The following CMSS1 variants were observed in gnomAD, a reference collection of about 807,000 sequenced individuals.
CMSS1 encodes the protein protein CMSS1.
In CMSS1, 33 loss-of-function variants were observed where a neutral mutation model predicts 43.5. The observed-to-expected ratio is 0.76, with a 90% CI of 0.57 to 1.01. The LOEUF (loss-of-function observed/expected upper bound fraction) is 1.01. CMSS1 is among the 50% of genes least tolerant of loss of function. The pLI is 0.00. For missense variants in CMSS1, 313 were observed against 326.4 expected, an observed-to-expected ratio of 0.96 and a Z score of 0.32; for synonymous variants, 115 against 117.2, an observed-to-expected ratio of 0.98 and a Z score of 0.12.
At chr3:99,996,720 G>A (rs1220373203) in intron 1 of CMSS1, among the ~76,000 whole-genome samples, 5 of 151,984 alleles carry the variant, frequency 3.3e-5, no homozygotes, top group Non-Finnish European at 7.4e-5. Flanking sequence ...ATGCAAAAGC[G>A]GAAACTCCTG....
rs143175739 is a variant in CMSS1, at chr3:100,031,948, C to T, written c.65-115025C>T. Among the ~76,000 whole-genome samples the T allele has an allele frequency of 1.8e-3, 275 of 152,000 alleles. 1 individual carries two copies. Among genetic ancestry groups the T allele is most frequent in the Middle Eastern group, 0.01 (3 of 294 alleles). ...TGTTTCCATAAAACTATATTTTGGA[C>T]AGTTAAATTTGAATTTTATGTATTT... On this transcript the variant is annotated intron_variant, in intron 1 of 9. Coordinates refer to ENST00000421999, the MANE Select transcript of CMSS1 (RefSeq NM_032359.4).
intron 1 of CMSS1, among the ~76,000 whole-genome samples, chr3:100,068,184 CA>C (rs1315256412): frequency 6.6e-6 from 1 of 152,170 alleles, no homozygotes; most frequent in Non-Finnish European, 1.5e-5. Context: ...GTCAAATTGG[CA>C]AATTTTTTAA....
At chr3:99,959,907 C>T (rs1708443272) in intron 1 of CMSS1, among the ~76,000 whole-genome samples, 1 of 152,168 alleles carries the variant, frequency 6.6e-6, no homozygotes, top group Non-Finnish European at 1.5e-5. Context: ...TCAGACCACT[C>T]CCATTGTACA....
chr3:100,003,005 A>G (rs1709886785), intron 1 of CMSS1, among the ~76,000 whole-genome samples: 1 of 152,168 alleles, frequency 6.6e-6, no homozygotes, highest in Non-Finnish European at 1.5e-5. Flanking sequence ...AGGAGGGATG[A>G]CGTAATGGAT....
intron 2 of CMSS1, among the ~76,000 whole-genome samples, chr3:100,149,046 T>G (rs2066879745): frequency 6.6e-6 from 1 of 152,220 alleles, no homozygotes; most frequent in Non-Finnish European, 1.5e-5. Context: ...CTAATCAATG[T>G]CTACCTACAG....
intron 1 of CMSS1, among the ~76,000 whole-genome samples, chr3:100,120,755 G>C (rs1425051363): frequency 1.3e-5 from 2 of 151,306 alleles, no homozygotes; most frequent in Admixed American, 1.3e-4. Context: ...GTGGAGGTCA[G>C]GGAGGCTTCA....
intron 1 of CMSS1, among the ~76,000 whole-genome samples, chr3:100,013,924 A>C (rs1335500393): frequency 6.6e-6 from 1 of 152,112 alleles, no homozygotes; most frequent in African/African-American, 2.4e-5. Context: ...TGTCTAACTG[A>C]AACTGTGTAC....
At chr3:99,918,980 G>A (rs1707041054) in intron 1 of CMSS1, among the ~76,000 whole-genome samples, 1 of 152,178 alleles carries the variant, frequency 6.6e-6, no homozygotes, top group Non-Finnish European at 1.5e-5. Flanking sequence ...TTGCATTTGA[G>A]TACAATGTAT....
Position 100,134,609 on chromosome 3 carries a change from G to A in CMSS1, c.65-12364G>A, listed in dbSNP as rs533168292. On this transcript the variant is annotated intron_variant, in intron 1 of 9. Coordinates refer to ENST00000421999, the MANE Select transcript of CMSS1 (RefSeq NM_032359.4). Reference sequence around the variant, plus strand: ...ATATAGGGAAAACAAGTATAAATCAGGACTAGCCAAGGCAAACCAGGATAT... The same window carrying A: ...ATATAGGGAAAACAAGTATAAATCAAGACTAGCCAAGGCAAACCAGGATAT... 9.3e-4 allele frequency among the ~76,000 whole-genome samples: 142 copies of A among 152,218 alleles called. 1 individual carries two copies. The highest frequency in any genetic ancestry group is 2.2e-3 in the Admixed American group (34 of 15,282).
At chr3:100,058,856 G>C (rs2065510421) in intron 1 of CMSS1, among the ~76,000 whole-genome samples, 1 of 152,230 alleles carries the variant, frequency 6.6e-6, no homozygotes, top group African/African-American at 2.4e-5. Flanking sequence ...TTTAGTAGTT[G>C]AGTGATGTGT....
chr3:100,118,927 A>T (rs997628488), intron 1 of CMSS1, among the ~76,000 whole-genome samples: 1 of 152,174 alleles, frequency 6.6e-6, no homozygotes. Context: ...AACCAAATAA[A>T]GAAGGGAAAT....
chr3:100,127,848 C>T (rs1186457397), intron 1 of CMSS1, among the ~76,000 whole-genome samples: 4 of 152,112 alleles, frequency 2.6e-5, no homozygotes, highest in African/African-American at 9.7e-5. Flanking sequence ...AAGTACAGCC[C>T]AAATGATCCA....
At chr3:99,929,008 C>A (rs1235492460) in intron 1 of CMSS1, among the ~76,000 whole-genome samples, 1 of 152,190 alleles carries the variant, frequency 6.6e-6, no homozygotes, top group Non-Finnish European at 1.5e-5. Flanking sequence ...AGAGGTCAGT[C>A]CTGAGGTAGG....
intron 1 of CMSS1, chr3:99,924,236 C>G (rs1356402733): frequency 5.6e-6 from 9 of 1,612,496 alleles, no homozygotes; most frequent in Non-Finnish European, 7.6e-6. Context: ...TTACCTTTCA[C>G]ATTCCTGTTC....
chr3:99,983,454 ATATATGTG>A (rs1559713620), intron 1 of CMSS1, among the ~76,000 whole-genome samples: 16 of 8,118 alleles, frequency 2.0e-3, no homozygotes, highest in African/African-American at 7.1e-3. Flanking sequence ...ATGTATATAT[ATATATGTG>A]TGTATATATA....
At chr3:100,083,577 T>C (rs1424934929) in intron 1 of CMSS1, among the ~76,000 whole-genome samples, 1 of 152,222 alleles carries the variant, frequency 6.6e-6, no homozygotes, top group African/African-American at 2.4e-5. Context: ...CAAATGATTT[T>C]TGCCAAGAAA....
intron 1 of CMSS1, chr3:99,849,497 G>T: frequency 6.2e-7 from 1 of 1,613,378 alleles, no homozygotes; most frequent in Non-Finnish European, 8.5e-7. Flanking sequence ...ATGTATTCAT[G>T]AATTTTCTCT....
intron 1 of CMSS1, among the ~76,000 whole-genome samples, chr3:99,973,316 G>C (rs1035900772): frequency 6.6e-6 from 1 of 152,154 alleles, no homozygotes; most frequent in Admixed American, 6.5e-5. Context: ...TAAGAACACT[G>C]ATTTTCTGTG....
At chr3:100,014,070 A>G (rs1317358771) in intron 1 of CMSS1, among the ~76,000 whole-genome samples, 1 of 151,746 alleles carries the variant, frequency 6.6e-6, no homozygotes, top group East Asian at 1.9e-4. Flanking sequence ...AGATCATACA[A>G]TGTTTGTCTC....
Sources: gnomAD v4.1 joint callset for allele counts (sites outside exome capture counted in the v4.1 genomes callset) on GRCh38, gnomAD v4.1.1 for gene constraint, MANE v1.5 for transcripts, NCBI Gene and HGNC (gene_info 2026-07-23, HGNC 2026-07-21) for gene names.